The following FOCAD variants were observed in gnomAD, a reference collection of about 807,000 sequenced individuals.
FOCAD encodes focadhesin.
Under a neutral mutation model 225.6 loss-of-function variants are expected in FOCAD, and 198 were observed. That is an observed-to-expected ratio of 0.88 (90% CI 0.78 to 0.99). The LOEUF (loss-of-function observed/expected upper bound fraction) is 0.99, where lower values mean the gene tolerates loss of function less well. Ranked by LOEUF, FOCAD falls within the 50% of genes least tolerant of loss-of-function variation. FOCAD has a pLI of 0.00. For missense variants in FOCAD, 2,713 were observed against 2,123.6 expected, an observed-to-expected ratio of 1.28 and a Z score of -5.46; for synonymous variants, 897 against 755.0, an observed-to-expected ratio of 1.19 and a Z score of -3.08.
intron 4 of FOCAD, among the ~76,000 whole-genome samples, chr9:20,722,374 G>C (rs371540178): frequency 1.8e-4 from 27 of 152,136 alleles, no homozygotes; most frequent in Non-Finnish European, 3.4e-4. Flanking sequence ...CACCAGCATG[G>C]CATGCTCCTT....
chr9:20,782,059 T>C lies in FOCAD; in HGVS notation c.1197+130T>C, dbSNP rs878861244. On this transcript the variant is annotated intron_variant, in intron 10 of 43. Coordinates refer to ENST00000338382, the MANE Select transcript of FOCAD (RefSeq NM_001375567.1). ...TCACCATTCAGTCAGGTAGTGCTGT[T>C]GGAGATCTCAACATATTCTTCTGGA... The C allele has an allele frequency of 4.0e-6, 3 of 741,236 alleles. No individual in the cohort carries two copies. The Admixed American group carries it at 6.7e-5, about 17-fold the overall frequency. The allele number at this position is 741,236 out of a possible 1,614,324, so 45.9% of individuals were successfully genotyped here. A position where few individuals can be genotyped will look rare whatever the true frequency, so the allele number is the denominator to read the frequency against.
chr9:20,920,130 A>G (rs1260881859), intron 24 of FOCAD, among the ~76,000 whole-genome samples: 2 of 152,138 alleles, frequency 1.3e-5, no homozygotes, highest in Non-Finnish European at 1.5e-5. Context: ...AAAACAGACA[A>G]CCCCATCAAC....
intron 6 of FOCAD, among the ~76,000 whole-genome samples, chr9:20,760,629 C>T: frequency 6.6e-6 from 1 of 151,528 alleles, no homozygotes; most frequent in Non-Finnish European, 1.5e-5. Context: ...TTTTTTTTGC[C>T]CTAGGGTCTT....
chr9:20,833,284 TA>T (rs1280699789), intron 15 of FOCAD, among the ~76,000 whole-genome samples: 1 of 152,030 alleles, frequency 6.6e-6, no homozygotes, highest in African/African-American at 2.4e-5. Flanking sequence ...TTTCAAGAGT[TA>T]CCAATAGCAG....
At chr9:20,821,099 T>C (rs879081067) in intron 14 of FOCAD, 28 bp downstream of exon 14, 3 of 1,585,242 alleles carry the variant, frequency 1.9e-6, no homozygotes, top group Non-Finnish European at 2.6e-6. Flanking sequence ...CTTAGGAATG[T>C]ATATCATGAT....
At chr9:20,803,139 T>C (rs1822025172) in intron 11 of FOCAD, among the ~76,000 whole-genome samples, 1 of 152,142 alleles carries the variant, frequency 6.6e-6, no homozygotes, top group Non-Finnish European at 1.5e-5. Flanking sequence ...AGTGGACTTA[T>C]CATGGAATTA....
In FOCAD at chr9:20,947,511, G is replaced by A. The variant is rs143775963; in HGVS notation, c.3675+691G>A. On this transcript the variant is annotated intron_variant, in intron 30 of 43. Transcript: ENST00000338382. ...GCCTACAGGAAGGGAGGAATGGGGA[G>A]TTACTGTTTAGTGGGTAAAGAGTTT... 4.6e-5 allele frequency among the ~76,000 whole-genome samples: 7 copies of A among 152,284 alleles called. No individual in the cohort carries two copies. The East Asian group carries it at 1.3e-3, about 29-fold the overall frequency.
chr9:20,659,585 G>A (rs1457988433), intron 2 of FOCAD, among the ~76,000 whole-genome samples: 1 of 152,180 alleles, frequency 6.6e-6, no homozygotes, highest in African/African-American at 2.4e-5. Flanking sequence ...CAAGGAGCTA[G>A]GCCTCGGGAG....
intron 8 of FOCAD, among the ~76,000 whole-genome samples, chr9:20,775,176 T>A (rs75411214): frequency 0.014 from 2,057 of 152,320 alleles, 45 homozygotes; most frequent in African/African-American, 0.046. Flanking sequence ...ATTTATTTCT[T>A]AGGCTGCATT....
chr9:20,688,957 G>T (rs1362060458), intron 1 of FOCAD, among the ~76,000 whole-genome samples: 1 of 152,192 alleles, frequency 6.6e-6, no homozygotes, highest in Non-Finnish European at 1.5e-5. Context: ...TTTGTTACGT[G>T]CGTATGGTAA....
At chr9:20,990,404 G>A (rs765702968) in intron 42 of FOCAD, 30 bp downstream of exon 42, 1 of 1,608,454 alleles carries the variant, frequency 6.2e-7, no homozygotes, top group Non-Finnish European at 8.5e-7. Context: ...GCTTAGCAGG[G>A]CAGGCAGCCA....
chr9:20,904,205 G>C (rs2131999212), intron 21 of FOCAD, among the ~76,000 whole-genome samples: 1 of 152,080 alleles, frequency 6.6e-6, no homozygotes. Context: ...TTGTGAAAGT[G>C]CTGCTATGAA....
intron 1 of FOCAD, among the ~76,000 whole-genome samples, chr9:20,702,610 T>C (rs1824052831): frequency 6.6e-6 from 1 of 152,202 alleles, no homozygotes; most frequent in Non-Finnish European, 1.5e-5. Context: ...TGAGGTTGTT[T>C]TGAATATCGA....
rs538212849 is a variant in FOCAD, at chr9:20,933,239, T to C, written c.3407+136T>C. On this transcript the variant is annotated intron_variant, in intron 28 of 43. Coordinates refer to ENST00000338382, the MANE Select transcript of FOCAD (RefSeq NM_001375567.1). ...TAGGTTATTGGGGAACAGGTGGTGT[T>C]TGGTTACATGAGTAAGTTCTTTAGT... 5.0e-5 allele frequency: 31 copies of C among 625,554 alleles called. No individual in the cohort carries two copies. The South Asian group carries it at 5.7e-4, about 12-fold the overall frequency. 38.8% of individuals were successfully genotyped at this position (625,554 alleles called of 1,614,324 possible).
intron 9 of FOCAD, 72 bp downstream of exon 9, chr9:20,778,840 T>C (rs1158484336): frequency 6.2e-6 from 5 of 801,302 alleles, no homozygotes; most frequent in African/African-American, 3.4e-5. Context: ...ACTTGAACTA[T>C]GTATCCTGCT....
chr9:20,967,220 TGTATAAGTC>T (rs1839344751), intron 35 of FOCAD, among the ~76,000 whole-genome samples: 1 of 152,130 alleles, frequency 6.6e-6, no homozygotes, highest in Admixed American at 6.6e-5. Context: ...AACTTTTCGG[TGTATAAGTC>T]TTTACCCTTG....
intron 15 of FOCAD, among the ~76,000 whole-genome samples, chr9:20,835,834 T>C (rs1825941111): frequency 6.6e-6 from 1 of 152,044 alleles, no homozygotes; most frequent in South Asian, 2.1e-4. Context: ...AGCTCTTTCA[T>C]CTTGCCCAGC....
intron 4 of FOCAD, among the ~76,000 whole-genome samples, chr9:20,722,681 T>A (rs537024478): frequency 2.0e-5 from 3 of 152,350 alleles, no homozygotes; most frequent in Non-Finnish European, 2.9e-5. Context: ...AATTTTAGAA[T>A]AATTCTATTG....
intron 35 of FOCAD, among the ~76,000 whole-genome samples, chr9:20,970,443 C>T (rs1425844774): frequency 6.6e-6 from 1 of 151,896 alleles, no homozygotes; most frequent in Non-Finnish European, 1.5e-5. Context: ...ATTCTTTTGC[C>T]TGCTCAAGTC....
Sources: gnomAD v4.1 joint callset for allele counts (sites outside exome capture counted in the v4.1 genomes callset) on GRCh38, gnomAD v4.1.1 for gene constraint, MANE v1.5 for transcripts, NCBI Gene and HGNC (gene_info 2026-07-23, HGNC 2026-07-21) for gene names.